Variants in PHLDB1 observed in about 807,000 individuals in gnomAD.
The protein encoded by PHLDB1 is pleckstrin homology-like domain family B member 1.
In PHLDB1, 65 loss-of-function variants were observed where a neutral mutation model predicts 139.3. The observed-to-expected ratio is 0.47, with a 90% CI of 0.38 to 0.57. The LOEUF (loss-of-function observed/expected upper bound fraction) is 0.57, where lower values mean the gene tolerates loss of function less well. Among genes scored for constraint, PHLDB1 ranks in the 20% least tolerant of loss-of-function variants. The probability of loss-of-function intolerance (pLI) is 0.00; values close to 1 mark genes in which losing one functional copy is unlikely to be tolerated. For synonymous variants in PHLDB1, 679 were observed against 734.5 expected (o/e 0.92, Z 1.22); for missense variants, 1,624 against 1,839.7 (o/e 0.88, Z 2.14).
Position 118,645,208 on chromosome 11 carries a change from C to T in PHLDB1, c.3122-148C>T. 1 of 544,694 alleles carries T rather than the reference C, an allele frequency of 1.8e-6. No individual in the cohort carries two copies. The highest frequency in any genetic ancestry group is 3.2e-5 in the South Asian group (1 of 31,570). 33.7% of individuals were successfully genotyped at this position (544,694 alleles called of 1,614,324 possible). A position where few individuals can be genotyped will look rare whatever the true frequency, so the allele number is the denominator to read the frequency against. On this transcript the variant is annotated intron_variant, in intron 15 of 22. Coordinates refer to ENST00000600882, the MANE Select transcript of PHLDB1 (RefSeq NM_001144758.3). The surrounding 1 kb of genome is among the most constrained non-coding windows in gnomAD (Gnocchi z 5.1). ...GGCAGAGCAGCCAGGCCTGGAGCTGCAGGGGCCTTAGGGAAGCTGCGGGGA... is the reference window on the plus strand; with the variant it reads ...GGCAGAGCAGCCAGGCCTGGAGCTGTAGGGGCCTTAGGGAAGCTGCGGGGA...
At position 118,635,457 on chromosome 11, in the gene PHLDB1, G is replaced by T; in HGVS notation, c.2444G>T (p.Arg815Leu). 6.2e-7 allele frequency: 1 copy of T among 1,612,494 alleles called. No homozygotes were observed. The change falls in exon 10 of 23, where the codon CGG becomes CTG. Residue 815 changes from arginine (R) to leucine (L), a missense_variant. Transcript: ENST00000600882. ...FEDLEFQQLE[R>L]ESRVEEEREL... ...GACTTGGAGTTCCAGCAGTTGGAGC[G>T]GGAGAGCCGCGTGGAGGAGGAGCGC... is the stretch of plus-strand genomic sequence containing the variant.
intron 12 of PHLDB1, 199 bp from the exon 13 acceptor site, chr11:118,642,055 C>G: frequency 3.2e-5 from 20 of 626,600 alleles, no homozygotes; most frequent in East Asian, 1.2e-4. Flanking sequence ...GCTCTCCTTT[C>G]TCCCTTCCTT....
intron 12 of PHLDB1, chr11:118,640,381 G>A (rs1262430941): frequency 6.6e-6 from 1 of 152,202 alleles, no homozygotes; most frequent in East Asian, 1.9e-4. Flanking sequence ...GATTCAGCAT[G>A]CATTGTGGAG....
intron 6 of PHLDB1, chr11:118,630,028 GTTT>G (rs10578316): frequency 2.1e-3 from 2,469 of 1,181,528 alleles, no homozygotes; most frequent in East Asian, 4.6e-3. Flanking sequence ...CTCTGTTCCG[GTTT>G]TTTTTTTTTT....
At chr11:118,615,919 G>A (rs1423068730) in intron 3 of PHLDB1, 122 bp from the exon 4 acceptor site, 8 of 792,270 alleles carry the variant, frequency 1.0e-5, no homozygotes, top group Non-Finnish European at 1.7e-5. Flanking sequence ...GTGGCCAGTG[G>A]TGGGCAGAGA....
rs1207597185 is a variant in PHLDB1 at position 118,620,741 on chromosome 11, G to T, written c.356-4193G>T. 2.6e-5 allele frequency among the ~76,000 whole-genome samples: 4 copies of T among 152,190 alleles called. No individual in the cohort carries two copies. Among genetic ancestry groups the T allele is most frequent in the Admixed American group, 2.6e-4 (4 of 15,284 alleles). ...TGGGTCATGAGTTGAGCTATGGGGA[G>T]TGGGGCCGGAAGAGGAGGTGTTTAG... is the stretch of plus-strand genomic sequence containing the variant. On this transcript the variant is annotated intron_variant, in intron 4 of 22. Transcript: ENST00000600882. This position sits in a 1 kb window ranked among gnomAD's most constrained non-coding sequence, Gnocchi z 4.1.
At position 118,622,497 on chromosome 11, in the gene PHLDB1, C is replaced by A. The variant is rs782307107; in HGVS notation, c.356-2437C>A. On this transcript the variant is annotated intron_variant, in intron 4 of 22. Transcript: ENST00000600882. ...GCAGCATGGCCACACCCCCTTATGC[C>A]GGGGAGGGTGAAGGGCTGAGGAGGG... is the stretch of plus-strand genomic sequence containing the variant. Among the ~76,000 whole-genome samples, 48 of 152,300 alleles carry A rather than the reference C, an allele frequency of 3.2e-4. No homozygotes were observed. In the Middle Eastern group the frequency reaches 0.01, roughly 32 times the overall value.
intron 6 of PHLDB1, among the ~76,000 whole-genome samples, chr11:118,630,976 A>T (rs930825217): frequency 6.9e-6 from 1 of 145,780 alleles, no homozygotes; most frequent in African/African-American, 2.5e-5. Flanking sequence ...CCAGGCTGTT[A>T]TGCCATGTGG....
At chr11:118,644,552 A>C (rs549448307) in intron 15 of PHLDB1, 58 of 740,938 alleles carry the variant, frequency 7.8e-5, no homozygotes, top group Non-Finnish European at 1.1e-5. Flanking sequence ...CTTGTGTGCA[A>C]TTTGGTTGTT....
At position 118,627,246 on chromosome 11, in the gene PHLDB1, C is replaced by T. The variant is rs574746350; in HGVS notation, c.482-59C>T. 1.9e-6 allele frequency: 3 copies of T among 1,556,812 alleles called. No individual in the cohort carries two copies. In the Admixed American group the frequency reaches 5.5e-5, roughly 28 times the overall value. ...TGTGCTAGGAGGAGGGGGGCTAGTG[C>T]TCTGGCTTTTATGCATATGCAGCTC... On this transcript the variant is annotated intron_variant, in intron 5 of 22. Transcript: ENST00000600882.
At position 118,632,139 on chromosome 11, in the gene PHLDB1, A is replaced by C; in HGVS notation, c.2242-20A>C. On this transcript the variant is annotated intron_variant, in intron 8 of 22. Transcript: ENST00000600882. This position sits in a 1 kb window ranked among gnomAD's most constrained non-coding sequence, Gnocchi z 5.9. ...GCCACAGTCAGCTGCTTTGATGGGG[A>C]CCCTGGTGTCTGCCCCCAGGCCGAA... is the stretch of plus-strand genomic sequence containing the variant. The C allele has an allele frequency of 2.5e-6, 4 of 1,613,776 alleles. No individual in the cohort carries two copies. The highest frequency in any genetic ancestry group is 3.4e-6 in the Non-Finnish European group (4 of 1,179,848).
intron 6 of PHLDB1, chr11:118,629,983 G>T: frequency 3.1e-6 from 4 of 1,284,866 alleles, no homozygotes; most frequent in Non-Finnish European, 4.0e-6. Flanking sequence ...TGGGGCAGGG[G>T]TGGAGGCACT....
intron 4 of PHLDB1, among the ~76,000 whole-genome samples, chr11:118,619,360 C>T (rs1000154796): frequency 1.3e-5 from 2 of 152,170 alleles, no homozygotes; most frequent in Non-Finnish European, 2.9e-5. Flanking sequence ...GCTGGGGAGC[C>T]GGATCTCTGG....
chr11:118,637,610 T>C (rs1945857985), intron 10 of PHLDB1: 1 of 152,200 alleles, frequency 6.6e-6, no homozygotes, highest in Non-Finnish European at 1.5e-5. Flanking sequence ...CCTCCCAAAG[T>C]GCTAAGATTA....
intron 18 of PHLDB1, among the ~76,000 whole-genome samples, chr11:118,648,880 G>A (rs1565496259): frequency 6.6e-6 from 1 of 152,118 alleles, no homozygotes; most frequent in Non-Finnish European, 1.5e-5. Flanking sequence ...CCCCAGGTTG[G>A]GAGTCCCCTG....
At chr11:118,609,400 G>GCTC (rs1565378295) in intron 1 of PHLDB1, among the ~76,000 whole-genome samples, 3 of 129,772 alleles carry the variant, frequency 2.3e-5, no homozygotes, top group African/African-American at 8.6e-5. Flanking sequence ...CAGCCCAGCT[G>GCTC]ACACACGCAG....
At position 118,645,661 on chromosome 11, in the gene PHLDB1, C is replaced by T. The variant is rs201625835; in HGVS notation, c.3416+11C>T. On this transcript the variant is annotated intron_variant, in intron 16 of 22. Transcript: ENST00000600882. This position sits in a 1 kb window ranked among gnomAD's most constrained non-coding sequence, Gnocchi z 5.1. Reference sequence around the variant, plus strand: ...TGACAACATGTCCAGGTACACCCGACGCCTGGGCCCGCAGCCTCCCTCAGC... The same window carrying T: ...TGACAACATGTCCAGGTACACCCGATGCCTGGGCCCGCAGCCTCCCTCAGC... The T allele has an allele frequency of 1.4e-4, 223 of 1,613,286 alleles. 1 individual carries two copies. In the East Asian group the frequency reaches 3.5e-3, roughly 25 times the overall value.
Position 118,650,384 on chromosome 11 carries a change from C to A in PHLDB1, c.3772-61C>A. 2.5e-6 allele frequency: 3 copies of A among 1,186,658 alleles called. No individual in the cohort carries two copies. Among genetic ancestry groups the A allele is most frequent in the Non-Finnish European group, 3.8e-6 (3 of 789,948 alleles). 73.5% of individuals were successfully genotyped at this position (1,186,658 alleles called of 1,614,324 possible). ...CCATGAATACAGGCACAGGCGATGG[C>A]ACACACTTAAGGCTTAAGGGCTGCA... is the stretch of plus-strand genomic sequence containing the variant. On this transcript the variant is annotated intron_variant, in intron 19 of 22. Coordinates refer to ENST00000600882, the MANE Select transcript of PHLDB1 (RefSeq NM_001144758.3). The surrounding 1 kb of genome is among the most constrained non-coding windows in gnomAD (Gnocchi z 4.7).
chr11:118,610,193 A>C lies in PHLDB1; in HGVS notation c.-22+2494A>C, dbSNP rs1405794490. ...CCCTCCCCAGCTTGCATTTTTTCCC[A>C]TCTCTTAGTCTGCCTTTCATTTTCC... On this transcript the variant is annotated intron_variant, in intron 1 of 22. Coordinates refer to ENST00000600882, the MANE Select transcript of PHLDB1 (RefSeq NM_001144758.3). This position sits in a 1 kb window ranked among gnomAD's most constrained non-coding sequence, Gnocchi z 8.7. Among the ~76,000 whole-genome samples, 10 of 136,984 alleles carry C rather than the reference A, an allele frequency of 7.3e-5. No individual in the cohort carries two copies. Among genetic ancestry groups the C allele is most frequent in the Admixed American group, 1.4e-4 (2 of 13,842 alleles). The allele number at this position is 136,984 out of a possible 152,430, so 89.9% of individuals were successfully genotyped here. A position where few individuals can be genotyped will look rare whatever the true frequency, so the allele number is the denominator to read the frequency against.
Sources: allele counts gnomAD v4.1 joint callset (sites outside exome capture counted in the v4.1 genomes callset), GRCh38; gene constraint gnomAD v4.1.1; non-coding constraint Gnocchi (gnomAD v3.1); transcripts MANE v1.5; gene names NCBI Gene and HGNC (gene_info 2026-07-23, HGNC 2026-07-21).